TNS3: variants seen among roughly 807,000 people sequenced by gnomAD.
The protein encoded by TNS3 is tensin-3.
TNS3 carries 45 observed loss-of-function variants against 140.9 expected under a neutral mutation model. That is an observed-to-expected ratio of 0.32 (90% confidence interval 0.25 to 0.41). The LOEUF (loss-of-function observed/expected upper bound fraction) is 0.41. Among genes scored for constraint, TNS3 ranks in the 10% least tolerant of loss-of-function variants. The probability of loss-of-function intolerance (pLI) is 1.00; values close to 1 mark genes in which losing one functional copy is unlikely to be tolerated. For missense variants in TNS3, 1,716 were observed against 1,906.7 expected, an observed-to-expected ratio of 0.90 and a Z score of 1.86; for synonymous variants, 815 against 788.4, an observed-to-expected ratio of 1.03 and a Z score of -0.56.
chr7:47,328,201 C>T (rs867568287), intron 20 of TNS3, among the ~76,000 whole-genome samples: 1 of 152,118 alleles, frequency 6.6e-6, no homozygotes, highest in African/African-American at 2.4e-5. Flanking sequence ...TCCAAAGAGG[C>T]CCATTCAGAG....
chr7:47,435,431 G>C (rs77406116), intron 7 of TNS3, 27 bp from the exon 8 acceptor site: 2 of 1,610,698 alleles, frequency 1.2e-6, no homozygotes, highest in Non-Finnish European at 1.7e-6. Flanking sequence ...GAGCTTCCTC[G>C]GTTTCCATTT....
intron 13 of TNS3, among the ~76,000 whole-genome samples, chr7:47,409,906 C>G (rs541148509): frequency 6.6e-6 from 1 of 152,334 alleles, no homozygotes; most frequent in South Asian, 2.1e-4. Context: ...ATCCGCCCAC[C>G]TCAGCCTCCC....
chr7:47,365,869 T>C (rs1248678940), intron 17 of TNS3, among the ~76,000 whole-genome samples: 1 of 152,208 alleles, frequency 6.6e-6, no homozygotes, highest in African/African-American at 2.4e-5. Flanking sequence ...GCCTTATAAC[T>C]GTTTCTTTGC....
chr7:47,541,415 G>C (rs1799783202), intron 1 of TNS3, among the ~76,000 whole-genome samples: 1 of 152,008 alleles, frequency 6.6e-6, no homozygotes, highest in Non-Finnish European at 1.5e-5. Context: ...TGGAGGGTGC[G>C]GAGGCTCCAA....
At chr7:47,290,296 G>T (rs996645334) in intron 27 of TNS3, among the ~76,000 whole-genome samples, 1 of 152,138 alleles carries the variant, frequency 6.6e-6, no homozygotes, top group South Asian at 2.1e-4. Context: ...GCTGGCCTTG[G>T]GTTTGGTGGT....
At chr7:47,396,213 C>T (rs1202612542) in intron 16 of TNS3, among the ~76,000 whole-genome samples, 1 of 152,170 alleles carries the variant, frequency 6.6e-6, no homozygotes, top group African/African-American at 2.4e-5. Flanking sequence ...TGTGGAGATT[C>T]CAGCACACAG....
chr7:47,301,985 T>C (rs1035463234), intron 23 of TNS3, among the ~76,000 whole-genome samples: 2 of 152,208 alleles, frequency 1.3e-5, no homozygotes, highest in Admixed American at 6.5e-5. Flanking sequence ...CCCTCATTAG[T>C]AGTGAGTTTT....
At position 47,302,207 on chromosome 7, in the gene TNS3, C is replaced by T. The variant is rs370642095; in HGVS notation, c.3523G>A (p.Ala1175Thr). 1 of 1,614,108 alleles carries T rather than the reference C, an allele frequency of 6.2e-7. No individual in the cohort carries two copies. Among genetic ancestry groups the T allele is most frequent in the African/African-American group, 1.3e-5 (1 of 74,950 alleles). Reference sequence around the variant, plus strand: ...ATACCTTGTTCTCTTGAAATATCCGCCTTGTACCAGAACTTGGAAGTGTCT... The same window carrying T: ...ATACCTTGTTCTCTTGAAATATCCGTCTTGTACCAGAACTTGGAAGTGTCT... ...VQDTSKFWYK[A>T]DISREQAIAM... Residue 1175 changes from alanine (A) to threonine (T), a missense_variant, in exon 23 of 31, where the codon GCG (alanine) becomes ACG (threonine). By Grantham distance (58) the Ala-to-Thr change is moderately conservative. Transcript: ENST00000311160.
At position 47,396,874 on chromosome 7, in the gene TNS3, A is replaced by T. The variant is rs762865513; in HGVS notation, c.950T>A (p.Val317Glu). 6.2e-7 allele frequency: 1 copy of T among 1,614,102 alleles called. No homozygotes were observed. Among genetic ancestry groups the T allele is most frequent in the South Asian group, 1.1e-5 (1 of 91,066 alleles). Residue 317 changes from valine to glutamate, a missense_variant, in exon 16 of 31, where the codon GTG becomes GAG. Coordinates refer to ENST00000311160, the MANE Select transcript of TNS3 (RefSeq NM_022748.12). ...GTCTGTTGTGTTGTAGTCCACAATC[A>T]CACCGTGGTCGTTGTACAAGTGTTC... Reference protein sequence around the residue: ...GSEHLYNDHGVIVDYNTTDPL... With the variant: ...GSEHLYNDHGEIVDYNTTDPL...
At chr7:47,286,187 C>A (rs1785412200) in intron 27 of TNS3, among the ~76,000 whole-genome samples, 1 of 152,168 alleles carries the variant, frequency 6.6e-6, no homozygotes. Flanking sequence ...TCACACAGAA[C>A]CACAGCTGCC....
At chr7:47,429,274 A>G (rs747971776) in intron 8 of TNS3, among the ~76,000 whole-genome samples, 2 of 152,218 alleles carry the variant, frequency 1.3e-5, no homozygotes, top group Non-Finnish European at 2.9e-5. Context: ...CCATCTGTTT[A>G]CCTACATCCA....
intron 4 of TNS3, among the ~76,000 whole-genome samples, chr7:47,442,682 G>A (rs1562748518): frequency 6.6e-6 from 1 of 152,228 alleles, no homozygotes; most frequent in African/African-American, 2.4e-5. Flanking sequence ...AAGCGATCTT[G>A]TCAGATGGCA....
At chr7:47,491,043 C>T (rs184132673) in intron 3 of TNS3, among the ~76,000 whole-genome samples, 1 of 152,200 alleles carries the variant, frequency 6.6e-6, no homozygotes, top group African/African-American at 2.4e-5. Context: ...AGATTTCAGC[C>T]GCCGATGGTG....
At chr7:47,547,697 G>A (rs773782205) in intron 1 of TNS3, among the ~76,000 whole-genome samples, 1 of 152,052 alleles carries the variant, frequency 6.6e-6, no homozygotes, top group Non-Finnish European at 1.5e-5. Context: ...CGTCTACGCC[G>A]CCATCCACCC....
intron 20 of TNS3, among the ~76,000 whole-genome samples, chr7:47,329,733 G>A (rs1031285203): frequency 1.3e-5 from 2 of 152,158 alleles, no homozygotes; most frequent in South Asian, 2.1e-4. Flanking sequence ...CCCAAGCAGA[G>A]AGGAAGGCGG....
Position 47,303,458 on chromosome 7 carries a change from T to C in TNS3, c.2949A>G (p.Pro983=), listed in dbSNP as rs1312515025. 6.2e-7 allele frequency: 1 copy of C among 1,612,530 alleles called. No homozygotes were observed. Among genetic ancestry groups the C allele is most frequent in the Non-Finnish European group, 8.5e-7 (1 of 1,179,988 alleles). Residue 983 remains proline, a synonymous_variant, in exon 22 of 31, where the codon CCA becomes CCG. Transcript: ENST00000311160. ...CTGACGGCGGGAAGCAGGACAGCAC[T>C]GGGGAGTCCTTCCTGGTACCGGAGA... ...AEFSGTRKDS[P]VLSCFPPSEL... is the part of the protein sequence containing the mutation.
At chr7:47,507,503 C>G (rs1350247379) in intron 2 of TNS3, among the ~76,000 whole-genome samples, 1 of 152,190 alleles carries the variant, frequency 6.6e-6, no homozygotes, top group Non-Finnish European at 1.5e-5. Flanking sequence ...AACCTGAGAA[C>G]TGACTGTCAG....
At chr7:47,488,725 G>C (rs1797701287) in intron 3 of TNS3, among the ~76,000 whole-genome samples, 1 of 152,100 alleles carries the variant, frequency 6.6e-6, no homozygotes, top group South Asian at 2.1e-4. Flanking sequence ...TCAAAGGTCT[G>C]ACAGGACGGG....
At chr7:47,316,108 C>G (rs909069404) in intron 20 of TNS3, among the ~76,000 whole-genome samples, 4 of 114,250 alleles carry the variant, frequency 3.5e-5, no homozygotes, top group Non-Finnish European at 6.8e-5. Flanking sequence ...CTCTCTCTCT[C>G]TCTCTCTCTC....
Sources: allele counts gnomAD v4.1 joint callset (sites outside exome capture counted in the v4.1 genomes callset), GRCh38; gene constraint gnomAD v4.1.1; transcripts MANE v1.5; gene names NCBI Gene and HGNC (gene_info 2026-07-23, HGNC 2026-07-21).